ADGRV1: variants seen among roughly 807,000 people sequenced by gnomAD.
The protein encoded by ADGRV1 is G-protein coupled receptor 98.
In ADGRV1, 359 loss-of-function variants were observed where a neutral mutation model predicts 596.2. The observed-to-expected ratio is 0.60, with a 90% CI of 0.55 to 0.66. The LOEUF is 0.66. Ranked by LOEUF, ADGRV1 falls within the 30% of genes least tolerant of loss-of-function variation. The pLI is 0.00. For synonymous variants in ADGRV1, 2,681 were observed against 2,679.2 expected, an observed-to-expected ratio of 1.00 and a Z score of -0.02; for missense variants, 7,274 against 7,575.6, an observed-to-expected ratio of 0.96 and a Z score of 1.48.
At chr5:90,938,545 C>G (rs894504781) in intron 83 of ADGRV1, among the ~76,000 whole-genome samples, 1 of 152,108 alleles carries the variant, frequency 6.6e-6, no homozygotes, top group South Asian at 2.1e-4. Context: ...GTGATCTAGT[C>G]TGGATATGAT....
At chr5:90,913,701 T>C (rs963186961) in intron 83 of ADGRV1, among the ~76,000 whole-genome samples, 2 of 152,168 alleles carry the variant, frequency 1.3e-5, no homozygotes, top group African/African-American at 4.8e-5. Flanking sequence ...CATTTTAGAG[T>C]GGTTTTCTAA....
At chr5:90,895,375 A>G (rs1183598261) in intron 83 of ADGRV1, among the ~76,000 whole-genome samples, 2 of 152,228 alleles carry the variant, frequency 1.3e-5, no homozygotes, top group Non-Finnish European at 2.9e-5. Flanking sequence ...CAGAAAAAGC[A>G]TCACTGTGGG....
At chr5:90,998,325 TA>T (rs958306577) in intron 85 of ADGRV1, among the ~76,000 whole-genome samples, 2 of 152,152 alleles carry the variant, frequency 1.3e-5, no homozygotes. Flanking sequence ...AAGTAAGCAT[TA>T]TTTTTTTTTA....
At chr5:90,805,872 A>G (rs1206648383) in intron 72 of ADGRV1, among the ~76,000 whole-genome samples, 2 of 152,200 alleles carry the variant, frequency 1.3e-5, no homozygotes, top group African/African-American at 4.8e-5. Context: ...AAAGTATACC[A>G]TTAGGTCTTT....
intron 7 of ADGRV1, 198 bp downstream of exon 7, chr5:90,627,974 T>A (rs968665234): frequency 5.4e-5 from 19 of 349,550 alleles, no homozygotes; most frequent in African/African-American, 4.1e-4. Flanking sequence ...GAATATGTCA[T>A]TTTTTCTACC....
intron 84 of ADGRV1, among the ~76,000 whole-genome samples, chr5:90,976,565 A>G (rs1779633974): frequency 6.6e-6 from 1 of 152,024 alleles, no homozygotes; most frequent in African/African-American, 2.4e-5. Context: ...TATCCATAGA[A>G]TAAATTCCTA....
At chr5:90,867,517 C>A (rs1297160351) in intron 83 of ADGRV1, among the ~76,000 whole-genome samples, 2 of 152,058 alleles carry the variant, frequency 1.3e-5, no homozygotes, top group African/African-American at 4.8e-5. Flanking sequence ...ACTCAGACAC[C>A]CTTGCGAAAA....
intron 83 of ADGRV1, among the ~76,000 whole-genome samples, chr5:90,875,464 T>G (rs1769133700): frequency 6.6e-6 from 1 of 152,230 alleles, no homozygotes; most frequent in African/African-American, 2.4e-5. Context: ...TTCTGATTTC[T>G]AACTGGGAAC....
At chr5:90,905,008 T>G (rs1280543083) in intron 83 of ADGRV1, among the ~76,000 whole-genome samples, 2 of 152,048 alleles carry the variant, frequency 1.3e-5, no homozygotes, top group Non-Finnish European at 2.9e-5. Context: ...TTTTTCTCAG[T>G]GTATGTTCTT....
At chr5:90,698,451 C>A (rs1184354470) in intron 34 of ADGRV1, among the ~76,000 whole-genome samples, 1 of 152,136 alleles carries the variant, frequency 6.6e-6, no homozygotes, top group African/African-American at 2.4e-5. Context: ...GTGTCAAATC[C>A]AAAGCCCATG....
At position 90,781,507 on chromosome 5, in the gene ADGRV1, G is replaced by A. The variant is rs776130832; in HGVS notation, c.13160G>A (p.Arg4387His). The A allele has an allele frequency of 1.7e-5, 27 of 1,610,576 alleles. No homozygotes were observed. The highest frequency in any genetic ancestry group is 4.4e-5 in the South Asian group (4 of 90,660). ...GAAATAGGAAACATCTCCATTGTTC[G>A]CATCATAATAATGAAAAATGATAAC... ...PPEIGNISIV[R>H]IIIMKNDNAE... is the part of the protein sequence containing the mutation. The change falls in exon 65 of 90, where the codon CGC (arginine) becomes CAC (histidine). Residue 4387 changes from arginine to histidine, a missense_variant. Coordinates refer to ENST00000405460, the MANE Select transcript of ADGRV1 (RefSeq NM_032119.4).
intron 1 of ADGRV1, among the ~76,000 whole-genome samples, chr5:90,580,011 A>T (rs917951602): frequency 6.6e-6 from 1 of 152,092 alleles, no homozygotes; most frequent in African/African-American, 2.4e-5. Context: ...GCATCTTTGC[A>T]CATGAGATGG....
At chr5:91,036,418 C>T (rs1175885892) in intron 85 of ADGRV1, among the ~76,000 whole-genome samples, 7 of 152,022 alleles carry the variant, frequency 4.6e-5, no homozygotes, top group African/African-American at 2.4e-5. Flanking sequence ...AAAAATTAGC[C>T]GGGCGTGGTG....
chr5:90,719,356 A>AATAAATAAATAG (rs1750605900), intron 43 of ADGRV1, among the ~76,000 whole-genome samples: 3 of 128,236 alleles, frequency 2.3e-5, no homozygotes, highest in African/African-American at 1.1e-4. Context: ...TAAATAAATA[A>AATAAATAAATAG]ATAAATAAAT....
intron 84 of ADGRV1, among the ~76,000 whole-genome samples, chr5:90,968,693 C>G (rs1017681232): frequency 6.6e-6 from 1 of 150,672 alleles, no homozygotes; most frequent in African/African-American, 2.4e-5. Context: ...ATTTATAAAA[C>G]AGTGACTGCT....
intron 48 of ADGRV1, among the ~76,000 whole-genome samples, chr5:90,726,179 C>A (rs1160804020): frequency 6.6e-6 from 1 of 152,164 alleles, no homozygotes; most frequent in Non-Finnish European, 1.5e-5. Flanking sequence ...ACACCAAATT[C>A]AAAAACCCAC....
chr5:90,879,665 G>T, intron 83 of ADGRV1, among the ~76,000 whole-genome samples: 1 of 151,272 alleles, frequency 6.6e-6, no homozygotes, highest in East Asian at 1.9e-4. Context: ...AAATTATTTT[G>T]GCCAGGCACA....
intron 78 of ADGRV1, among the ~76,000 whole-genome samples, chr5:90,846,030 A>C (rs530448054): frequency 6.6e-6 from 1 of 152,338 alleles, no homozygotes; most frequent in African/African-American, 2.4e-5. Flanking sequence ...TATAAATGCC[A>C]ATCTTGAGCT....
At chr5:90,726,225 C>G (rs1262753996) in intron 48 of ADGRV1, among the ~76,000 whole-genome samples, 1 of 152,206 alleles carries the variant, frequency 6.6e-6, no homozygotes, top group Non-Finnish European at 1.5e-5. Flanking sequence ...CCTGCTACGA[C>G]AGAGAAAGTG....
Sources: gnomAD v4.1 joint callset for allele counts (sites outside exome capture counted in the v4.1 genomes callset) on GRCh38, gnomAD v4.1.1 for gene constraint, MANE v1.5 for transcripts, NCBI Gene and HGNC (gene_info 2026-07-23, HGNC 2026-07-21) for gene names.